Variants in ZKSCAN2 observed in about 807,000 individuals in gnomAD.
ZKSCAN2 encodes zinc finger protein with KRAB and SCAN domains 2.
Under a neutral mutation model 90.5 loss-of-function variants are expected in ZKSCAN2, and 38 were observed. The ratio of observed to expected loss-of-function variants is 0.42; its 90% CI spans 0.32 to 0.55. ZKSCAN2 has a LOEUF of 0.55. Ranked by LOEUF, ZKSCAN2 falls within the 20% of genes least tolerant of loss-of-function variation. ZKSCAN2 has a pLI of 0.11. For synonymous variants in ZKSCAN2, 429 were observed against 421.6 expected, an observed-to-expected ratio of 1.02 and a Z score of -0.22; for missense variants, 1,167 against 1,202.6, an observed-to-expected ratio of 0.97 and a Z score of 0.44.
Position 25,247,386 on chromosome 16 carries a change from A to G in ZKSCAN2, c.810T>C (p.Ser270=). 1 of 1,602,132 alleles carries G rather than the reference A, an allele frequency of 6.2e-7. No homozygotes were observed. Among genetic ancestry groups the G allele is most frequent in the South Asian group, 1.1e-5 (1 of 90,778 alleles). ...ENVGNVVSLG[S]AVSTSNKITR... ...TTATCTTGTTAGATGTAGACACTGC[A>G]CTTCCTACAGTAAAATAAACATATT... The change falls in exon 5 of 7, where the codon AGT becomes AGC. Residue 270 remains serine (S), a synonymous_variant. Coordinates refer to ENST00000328086, the MANE Select transcript of ZKSCAN2 (RefSeq NM_001012981.5).
intron 5 of ZKSCAN2, among the ~76,000 whole-genome samples, chr16:25,246,080 TTTTTAA>T (rs1962929419): frequency 6.6e-6 from 1 of 152,350 alleles, no homozygotes; most frequent in Non-Finnish European, 1.5e-5. Context: ...TCTGTCTGCC[TTTTTAA>T]TTTTAATGTC....
At chr16:25,255,510 C>T in intron 1 of ZKSCAN2, 118 bp from the exon 2 acceptor site, 9 of 1,131,394 alleles carry the variant, frequency 8.0e-6, no homozygotes, top group Non-Finnish European at 1.1e-5. Context: ...AAATTCCACT[C>T]CATTCCCAGT....
At chr16:25,254,894 A>G (rs1963073684) in intron 2 of ZKSCAN2, among the ~76,000 whole-genome samples, 1 of 151,742 alleles carries the variant, frequency 6.6e-6, no homozygotes, top group South Asian at 2.1e-4. Flanking sequence ...CCTGGGTTCA[A>G]GCAATCCTCC....
intron 4 of ZKSCAN2, among the ~76,000 whole-genome samples, chr16:25,251,028 T>A (rs1963012628): frequency 6.6e-6 from 1 of 152,178 alleles, no homozygotes; most frequent in East Asian, 1.9e-4. Context: ...AGTGCTGGGA[T>A]TACAGGCATG....
chr16:25,257,380 C>T lies in ZKSCAN2; in HGVS notation c.-253G>A. On this transcript the variant is annotated 5_prime_UTR_variant, in exon 1 of 7. Transcript: ENST00000328086. ...GATGTGACCGCGCAATGTGGTTTTC[C>T]AGAGTGCATCCCTCTTAGTGCAAAG... 1 of 1,233,250 alleles carries T rather than the reference C, an allele frequency of 8.1e-7. No individual in the cohort carries two copies. The highest frequency in any genetic ancestry group is 1.5e-5 in the African/African-American group (1 of 64,740). 76.4% of individuals were successfully genotyped at this position (1,233,250 alleles called of 1,614,324 possible). A position where few individuals can be genotyped will look rare whatever the true frequency, so the allele number is the denominator to read the frequency against.
rs750206818 is a variant in ZKSCAN2 at position 25,247,036 on chromosome 16, A to C, written c.1160T>G (p.Leu387Arg). 1.2e-6 allele frequency: 2 copies of C among 1,614,190 alleles called. No individual in the cohort carries two copies. The highest frequency in any genetic ancestry group is 3.3e-5 in the Admixed American group (2 of 60,024). ...GGTTCGACACTGTTCTGGGGTTCTA[A>C]GGAAGCCACATTCTCGCAACCATTC... is the stretch of plus-strand genomic sequence containing the variant. ...VAEWLRECGF[L>R]RTPEQCRTKF... Residue 387 changes from leucine to arginine, a missense_variant, in exon 5 of 7, where the codon CTT (leucine) becomes CGT (arginine). Leu to Arg is a moderately radical substitution (Grantham distance 102). Transcript: ENST00000328086.
intron 4 of ZKSCAN2, among the ~76,000 whole-genome samples, chr16:25,249,101 G>C (rs1962980448): frequency 6.6e-6 from 1 of 152,184 alleles, no homozygotes; most frequent in Non-Finnish European, 1.5e-5. Context: ...CATAGAAGTA[G>C]AGAGTAGAAG....
chr16:25,255,311 C>T lies in ZKSCAN2; in HGVS notation c.481G>A (p.Glu161Lys). 1.2e-6 allele frequency: 2 copies of T among 1,613,902 alleles called. No homozygotes were observed. Among genetic ancestry groups the T allele is most frequent in the Non-Finnish European group, 1.7e-6 (2 of 1,179,976 alleles). Reference sequence around the variant, plus strand: ...CGAGACACCGCCCTGGGTTGGGTCTCCACCTGCTCTGGCTGGAAGTCTGCC... The same window carrying T: ...CGAGACACCGCCCTGGGTTGGGTCTTCACCTGCTCTGGCTGGAAGTCTGCC... ...EVADFQPEQV[E>K]TQPRAVSREE... The change falls in exon 2 of 7, where the codon GAG (glutamate) becomes AAG (lysine). Residue 161 changes from glutamate (E) to lysine (K), a missense_variant. Transcript: ENST00000328086.
chr16:25,243,046 G>C (rs1489314040), intron 6 of ZKSCAN2, among the ~76,000 whole-genome samples: 1 of 152,252 alleles, frequency 6.6e-6, no homozygotes, highest in Non-Finnish European at 1.5e-5. Flanking sequence ...GAAACATGCA[G>C]GTGGAGCTCA....
At position 25,243,913 on chromosome 16, in the gene ZKSCAN2, C is replaced by G; in HGVS notation, c.1853G>C (p.Gly618Ala). 6.2e-7 allele frequency: 1 copy of G among 1,614,160 alleles called. No homozygotes were observed. Residue 618 changes from glycine to alanine, a missense_variant, in exon 6 of 7, where the codon GGC (glycine) becomes GCC (alanine). Transcript: ENST00000328086. ...CTGTGAGGTCTCTTCAGGTTCCCAG[C>G]CTGTAGGTTCCTGGGGTTCAACCTC... ...GIEVEPQEPTGWEPEETSQEA... is the reference protein window; with the variant it reads ...GIEVEPQEPTAWEPEETSQEA...
intron 4 of ZKSCAN2, among the ~76,000 whole-genome samples, chr16:25,250,558 TTAATAA>T (rs1260782831): frequency 6.6e-6 from 1 of 152,150 alleles, no homozygotes; most frequent in African/African-American, 2.4e-5. Flanking sequence ...ATGGTTACAG[TTAATAA>T]TATTATAGTG....
At chr16:25,256,621 C>T in intron 1 of ZKSCAN2, 108 bp downstream of exon 1, 1 of 1,270,710 alleles carries the variant, frequency 7.9e-7, no homozygotes, top group Non-Finnish European at 1.1e-6. Flanking sequence ...TTTATTAGTA[C>T]CATTTATCTT....
In ZKSCAN2 at chr16:25,238,524, T is replaced by A. The variant is rs1962801074; in HGVS notation, c.*1292A>T. The A allele has an allele frequency of 6.6e-6, 1 of 152,162 alleles. No individual in the cohort carries two copies. The highest frequency in any genetic ancestry group is 6.5e-5 in the Admixed American group (1 of 15,268). 9.4% of individuals were successfully genotyped at this position (152,162 alleles called of 1,614,324 possible). ...AGATTTTTCAGACAAAACAAGTAAA[T>A]GAGGAAAACAAAAACGGTGTTCTGG... On this transcript the variant is annotated 3_prime_UTR_variant, in exon 7 of 7. Transcript: ENST00000328086.
chr16:25,239,007 C>G lies in ZKSCAN2; in HGVS notation c.*809G>C, dbSNP rs944301538. 2 of 152,572 alleles carry G rather than the reference C, an allele frequency of 1.3e-5. No homozygotes were observed. Among genetic ancestry groups the G allele is most frequent in the African/African-American group, 4.8e-5 (2 of 41,370 alleles). 9.5% of individuals were successfully genotyped at this position (152,572 alleles called of 1,614,324 possible). Reference sequence around the variant, plus strand: ...GGCCTCCTATTCTATCTGAGGAGGGCATGGTAGTTCGGAAGAGGCCGGCAG... The same window carrying G: ...GGCCTCCTATTCTATCTGAGGAGGGGATGGTAGTTCGGAAGAGGCCGGCAG... On this transcript the variant is annotated 3_prime_UTR_variant, in exon 7 of 7. Transcript: ENST00000328086.
intron 2 of ZKSCAN2, among the ~76,000 whole-genome samples, chr16:25,254,753 T>C (rs924352884): frequency 4.6e-5 from 7 of 151,306 alleles, no homozygotes; most frequent in Admixed American, 2.0e-4. Flanking sequence ...CCACAGGATC[T>C]CATAGCTGGC....
intron 4 of ZKSCAN2, among the ~76,000 whole-genome samples, chr16:25,251,193 G>C (rs995186018): frequency 2.0e-5 from 3 of 152,048 alleles, no homozygotes; most frequent in Non-Finnish European, 2.9e-5. Context: ...AAATAAAATT[G>C]AGTTGTTTTG....
intron 5 of ZKSCAN2, among the ~76,000 whole-genome samples, chr16:25,245,152 T>C (rs550872708): frequency 2.0e-5 from 3 of 152,338 alleles, no homozygotes; most frequent in African/African-American, 7.2e-5. Context: ...TTGCCCAGGC[T>C]GGACTGCAGT....
At position 25,239,672 on chromosome 16, in the gene ZKSCAN2, G is replaced by A. The variant is rs760813850; in HGVS notation, c.*144C>T. On this transcript the variant is annotated 3_prime_UTR_variant, in exon 7 of 7. Coordinates refer to ENST00000328086, the MANE Select transcript of ZKSCAN2 (RefSeq NM_001012981.5). Reference sequence around the variant, plus strand: ...CAGACTGATGAAGTTAGAGGCAGAGGTGAGAACAGGATGAAAGTGTTTAGT... The same window carrying A: ...CAGACTGATGAAGTTAGAGGCAGAGATGAGAACAGGATGAAAGTGTTTAGT... 18 of 676,016 alleles carry A rather than the reference G, an allele frequency of 2.7e-5. No homozygotes were observed. The highest frequency in any genetic ancestry group is 4.2e-5 in the Non-Finnish European group (17 of 409,062). 41.9% of individuals were successfully genotyped at this position (676,016 alleles called of 1,614,324 possible). A position where few individuals can be genotyped will look rare whatever the true frequency, so the allele number is the denominator to read the frequency against.
At chr16:25,255,542 C>A in intron 1 of ZKSCAN2, 150 bp from the exon 2 acceptor site, 1 of 770,808 alleles carries the variant, frequency 1.3e-6, no homozygotes, top group Non-Finnish European at 2.0e-6. Context: ...GAGCGCTGGG[C>A]TGAGAGTACT....
Sources: gnomAD v4.1 joint callset for allele counts (sites outside exome capture counted in the v4.1 genomes callset) on GRCh38, gnomAD v4.1.1 for gene constraint, MANE v1.5 for transcripts, NCBI Gene and HGNC (gene_info 2026-07-23, HGNC 2026-07-21) for gene names.